FBN3: variants seen among roughly 807,000 people sequenced by gnomAD.
FBN3 encodes fibrillin-3.
In FBN3, 234 loss-of-function variants were observed where a neutral mutation model predicts 330.1. The ratio of observed to expected loss-of-function variants is 0.71; its 90% CI spans 0.64 to 0.79. The LOEUF (loss-of-function observed/expected upper bound fraction) is 0.79. FBN3 is among the 30% of genes least tolerant of loss of function. FBN3 has a pLI of 0.00. For missense variants in FBN3, 3,606 were observed against 3,886.9 expected, an observed-to-expected ratio of 0.93 and a Z score of 1.92; for synonymous variants, 1,458 against 1,517.3, an observed-to-expected ratio of 0.96 and a Z score of 0.91.
chr19:8,144,761 C>T (rs999623368), intron 6 of FBN3, 116 bp downstream of exon 6: 26 of 727,646 alleles, frequency 3.6e-5, no homozygotes, highest in Non-Finnish European at 5.3e-5. Flanking sequence ...GCCCCAAATG[C>T]GGGAAGGAGG....
intron 52 of FBN3, 50 bp from the exon 53 acceptor site, chr19:8,087,997 C>T (rs1274088157): frequency 6.2e-7 from 1 of 1,614,014 alleles, no homozygotes; most frequent in Non-Finnish European, 8.5e-7. Context: ...AGGGCGGGAC[C>T]TCCACTCCCT....
In FBN3 at chr19:8,103,595, A is replaced by C. The variant is rs369306749; in HGVS notation, c.4906T>G (p.Tyr1636Asp). 1.9e-5 allele frequency: 31 copies of C among 1,613,482 alleles called. No homozygotes were observed. In the African/African-American group the frequency reaches 3.7e-4, roughly 19 times the overall value. Residue 1636 changes from tyrosine (Y) to aspartate (D), a missense_variant, in exon 39 of 64, where the codon TAC (tyrosine) becomes GAC (aspartate). Tyr to Asp is a radical substitution (Grantham distance 160). Transcript: ENST00000600128. ...GNYTCVCPAE[Y>D]LQVNGGNNCM... Reference sequence around the variant, plus strand: ...TTGTTGCCACCATTGACTTGGAGGTACTCTGCAGGGCAGACACAGGTGTAG... The same window carrying C: ...TTGTTGCCACCATTGACTTGGAGGTCCTCTGCAGGGCAGACACAGGTGTAG...
rs774780270 is a variant in FBN3, at chr19:8,085,441, C to T, written c.7009G>A (p.Glu2337Lys). The stretch of plus-strand genomic sequence containing the variant: ...GAGGTGCCGGGCAGGGGACAGAGCT[C>T]GCAGCGGGGCCCCCAGCCCCGGCCA... ...GGGRGWGPRC[E>K]LCPLPGTSAY... The change falls in exon 56 of 64, where the codon GAG becomes AAG. Residue 2337 changes from glutamate to lysine, a missense_variant. Glu to Lys is a moderately conservative substitution (Grantham distance 56). Transcript: ENST00000600128. 30 of 1,576,994 alleles carry T rather than the reference C, an allele frequency of 1.9e-5. No homozygotes were observed. The Admixed American group carries it at 2.4e-4, about 13-fold the overall frequency.
chr19:8,145,373 C>CAAAAAAAAAAAAAAAACAAAA (rs2083510060), intron 5 of FBN3, among the ~76,000 whole-genome samples: 1 of 86,356 alleles, frequency 1.2e-5, no homozygotes. Context: ...AACTCCATCT[C>CAAAAAAAAAAAAAAAACAAAA]AAAAAAAAAA....
Position 8,097,280 on chromosome 19 carries a change from A to T in FBN3, c.5287+9T>A. ...AGGCCCCAGGGCTGGGAACAGGGAG[A>T]GGTGGCACCTTCACAAGCCAGCAGG... is the stretch of plus-strand genomic sequence containing the variant. On this transcript the variant is annotated intron_variant, in intron 42 of 63. Transcript: ENST00000600128. The T allele has an allele frequency of 6.2e-7, 1 of 1,600,458 alleles. No homozygotes were observed. The highest frequency in any genetic ancestry group is 8.5e-7 in the Non-Finnish European group (1 of 1,169,980).
Position 8,109,231 on chromosome 19 carries a change from G to A in FBN3, c.4614C>T (p.Asn1538=), listed in dbSNP as rs1555739311. 6.2e-7 allele frequency: 1 copy of A among 1,613,950 alleles called. No homozygotes were observed. The highest frequency in any genetic ancestry group is 8.5e-7 in the Non-Finnish European group (1 of 1,179,990). ...GNPCELCPMA[N]TTEYRTLCPG... ...AACTGCCCCGCAGGGACTCACTGGT[G>A]TTGGCCATAGGGCACAGCTCACAGG... Residue 1538 remains asparagine (N), a synonymous_variant, in exon 36 of 64, where the codon AAC becomes AAT. Coordinates refer to ENST00000600128, the MANE Select transcript of FBN3 (RefSeq NM_032447.5). This position sits in a 1 kb window ranked among gnomAD's most constrained non-coding sequence, Gnocchi z 5.2.
At position 8,130,664 on chromosome 19, in the gene FBN3, A is replaced by AAAGGAAAG. The variant is rs1165459894; in HGVS notation, c.2044+570_2044+571insCTTTCCTT. ...AGAAAGGAAAGGAAAGGAAAGGAAA[A>AAAGGAAAG]GAAAAGAAAAGAAAAGAAAAGAAAA... On this transcript the variant is annotated intron_variant, in intron 16 of 63. Transcript: ENST00000600128. Among the ~76,000 whole-genome samples, 148 of 21,664 alleles carry AAAGGAAAG rather than the reference A, an allele frequency of 6.8e-3. 3 individuals are homozygous for AAAGGAAAG. Among genetic ancestry groups the AAAGGAAAG allele is most frequent in the Non-Finnish European group, 0.01 (104 of 9,994 alleles). The allele number at this position is 21,664 out of a possible 152,430, so 14.2% of individuals were successfully genotyped here.
chr19:8,106,909 GGT>G (rs2082451301), intron 37 of FBN3, among the ~76,000 whole-genome samples: 1 of 151,582 alleles, frequency 6.6e-6, no homozygotes, highest in South Asian at 2.1e-4. Flanking sequence ...TAGATGGATG[GGT>G]GAATAGATGG....
At position 8,085,527 on chromosome 19, in the gene FBN3, A is replaced by C; in HGVS notation, c.6923T>G (p.Met2308Arg). 1 of 1,593,830 alleles carries C rather than the reference A, an allele frequency of 6.3e-7. No individual in the cohort carries two copies. The highest frequency in any genetic ancestry group is 8.5e-7 in the Non-Finnish European group (1 of 1,170,724). The change falls in exon 56 of 64, where the codon ATG (methionine) becomes AGG (arginine). Residue 2308 changes from methionine (M) to arginine (R), a missense_variant. Physicochemically the swap from Met to Arg is moderately conservative, Grantham distance 91. Coordinates refer to ENST00000600128, the MANE Select transcript of FBN3 (RefSeq NM_032447.5). ...ACTGCTGCTGGACAGAGACCGGCAC[A>C]TGGTCTGCAGCACCTCGGCAAAGCA... ...GPCFAEVLQT[M>R]CRSLSSSSEA...
At position 8,102,985 on chromosome 19, in the gene FBN3, G is replaced by C. The variant is rs1012354028; in HGVS notation, c.4940-112C>G. 1.0e-5 allele frequency: 12 copies of C among 1,188,448 alleles called. No individual in the cohort carries two copies. In the African/African-American group the frequency reaches 1.7e-4, roughly 16 times the overall value. The allele number at this position is 1,188,448 out of a possible 1,614,324, so 73.6% of individuals were successfully genotyped here. Reference sequence around the variant, plus strand: ...TGATTCATTTGAAGATTACTGGCTTGTCCAGGCACAGTGGCTCATGCCTGT... The same window carrying C: ...TGATTCATTTGAAGATTACTGGCTTCTCCAGGCACAGTGGCTCATGCCTGT... On this transcript the variant is annotated intron_variant, in intron 39 of 63. Coordinates refer to ENST00000600128, the MANE Select transcript of FBN3 (RefSeq NM_032447.5).
chr19:8,097,391 G>T lies in FBN3; in HGVS notation c.5185C>A (p.Pro1729Thr). 6.2e-7 allele frequency: 1 copy of T among 1,604,150 alleles called. No homozygotes were observed. Among genetic ancestry groups the T allele is most frequent in the Non-Finnish European group, 8.5e-7 (1 of 1,171,884 alleles). Residue 1729 changes from proline to threonine, a missense_variant, in exon 42 of 64, where the codon CCC (proline) becomes ACC (threonine). Pro to Thr is a conservative substitution (Grantham distance 38, BLOSUM62 -1). Transcript: ENST00000600128. ...PLDIDECGEI[P>T]AICANGICIN... ...CAGATGCCATTGGCACAGATGGCGG[G>T]GATCTCCCCACACTCATCAATGTCT...
chr19:8,120,991 C>T (rs1217475443), intron 25 of FBN3, among the ~76,000 whole-genome samples: 1 of 152,134 alleles, frequency 6.6e-6, no homozygotes, highest in Non-Finnish European at 1.5e-5. Context: ...CTCTGAGGGT[C>T]CCTGTCCTCT....
At position 8,123,488 on chromosome 19, in the gene FBN3, C is replaced by A. The variant is rs1322550401; in HGVS notation, c.3058G>T (p.Asp1020Tyr). The A allele has an allele frequency of 3.1e-6, 5 of 1,614,010 alleles. No homozygotes were observed. The highest frequency in any genetic ancestry group is 3.4e-6 in the Non-Finnish European group (4 of 1,179,936). Residue 1020 changes from aspartate (D) to tyrosine (Y), a missense_variant, in exon 24 of 64, where the codon GAT (aspartate) becomes TAT (tyrosine). Coordinates refer to ENST00000600128, the MANE Select transcript of FBN3 (RefSeq NM_032447.5). ...HCACAGGFAL[D>Y]AQERNCTDID... ...CCTGTGCAGTTCCGTTCCTGGGCAT[C>A]CAGGGCGAAGCCCCCCGCACAGGCG...
In FBN3 at chr19:8,141,747, G is replaced by C; in HGVS notation, c.835C>G (p.Arg279Gly). Residue 279 changes from arginine to glycine, a missense_variant, in exon 8 of 64, where the codon CGG (arginine) becomes GGG (glycine). Arg to Gly is a moderately radical substitution (Grantham distance 125, BLOSUM62 -2). Coordinates refer to ENST00000600128, the MANE Select transcript of FBN3 (RefSeq NM_032447.5). ...SFHCRCPVGHRLSDSSAACED... is the reference protein window; with the variant it reads ...SFHCRCPVGHGLSDSSAACED... ...CATGCGGCGCTGCTGTCACTGAGCC[G>C]GTGTCCAACTGGACAGCGGCAATGG... The C allele has an allele frequency of 6.2e-7, 1 of 1,614,090 alleles. No individual in the cohort carries two copies. The highest frequency in any genetic ancestry group is 8.5e-7 in the Non-Finnish European group (1 of 1,179,988).
At chr19:8,148,479 G>A (rs2083602198) in intron 1 of FBN3, among the ~76,000 whole-genome samples, 1 of 152,178 alleles carries the variant, frequency 6.6e-6, no homozygotes, top group African/African-American at 2.4e-5. Flanking sequence ...CCCACGAAGA[G>A]AAGAAGGAGG....
intron 51 of FBN3, 22 bp from the exon 52 acceptor site, chr19:8,088,201 G>A: frequency 6.4e-7 from 1 of 1,569,348 alleles, no homozygotes; most frequent in Non-Finnish European, 8.7e-7. Flanking sequence ...TAAGGGGGTG[G>A]TCAGCACCTG....
At position 8,065,909 on chromosome 19, in the gene FBN3, C is replaced by A. The variant is rs1241117177; in HGVS notation, c.*10G>T. The A allele has an allele frequency of 6.4e-7, 1 of 1,552,662 alleles. No individual in the cohort carries two copies. The highest frequency in any genetic ancestry group is 1.9e-5 in the Admixed American group (1 of 52,208). ...TCTGGACAGCTGGGGCCCACTGAGG[C>A]TCCTCCCAACTAAAGCAACTGCAGC... is the stretch of plus-strand genomic sequence containing the variant. On this transcript the variant is annotated 3_prime_UTR_variant, in exon 64 of 64. Coordinates refer to ENST00000600128, the MANE Select transcript of FBN3 (RefSeq NM_032447.5).
rs948375169 is a variant in FBN3, at chr19:8,140,914, C to T, written c.865+803G>A. 3.3e-5 allele frequency among the ~76,000 whole-genome samples: 5 copies of T among 152,046 alleles called. No homozygotes were observed. In the South Asian group the frequency reaches 6.2e-4, roughly 19 times the overall value. On this transcript the variant is annotated intron_variant, in intron 8 of 63. Coordinates refer to ENST00000600128, the MANE Select transcript of FBN3 (RefSeq NM_032447.5). Reference sequence around the variant, plus strand: ...CCTAGAAAGTCTGGAGTTGGCCAGCCGGGCGCGGTGGCTCACGCCTGTAAT... The same window carrying T: ...CCTAGAAAGTCTGGAGTTGGCCAGCTGGGCGCGGTGGCTCACGCCTGTAAT...
chr19:8,119,056 G>A (rs989740822), intron 25 of FBN3, 34 bp from the exon 26 acceptor site: 1 of 1,575,208 alleles, frequency 6.3e-7, no homozygotes, highest in African/African-American at 1.3e-5. Context: ...GAGCAGGCAT[G>A]AAGGTGCTGA....
Sources: gnomAD v4.1 joint callset for allele counts (sites outside exome capture counted in the v4.1 genomes callset) on GRCh38, gnomAD v4.1.1 for gene constraint, Gnocchi (gnomAD v3.1) non-coding constraint, MANE v1.5 for transcripts, NCBI Gene and HGNC (gene_info 2026-07-23, HGNC 2026-07-21) for gene names.